The following CNBD1 variants were observed in gnomAD, a reference collection of about 807,000 sequenced individuals.
The protein encoded by CNBD1 is cyclic nucleotide-binding domain-containing protein 1.
A neutral mutation model predicts 54.4 loss-of-function variants in CNBD1; 71 were observed. The ratio of observed to expected loss-of-function variants is 1.30; its 90% CI spans 1.08 to 1.59. The LOEUF is 1.59. Ranked by LOEUF, CNBD1 falls within the 40% of genes most tolerant of loss-of-function variation. The pLI is 0.00. For missense variants in CNBD1, 659 were observed against 518.0 expected, an observed-to-expected ratio of 1.27 and a Z score of -2.64; for synonymous variants, 182 against 170.7, an observed-to-expected ratio of 1.07 and a Z score of -0.51.
chr8:86,870,342 T>G (rs922682465), intron 1 of CNBD1, among the ~76,000 whole-genome samples: 3 of 151,780 alleles, frequency 2.0e-5, no homozygotes, highest in Non-Finnish European at 4.4e-5. Context: ...TATATGTTAG[T>G]CGCAGCCACG....
intron 4 of CNBD1, among the ~76,000 whole-genome samples, chr8:87,085,847 TG>T (rs1811085083): frequency 6.6e-6 from 1 of 152,140 alleles, no homozygotes; most frequent in Admixed American, 6.5e-5. Flanking sequence ...GCTTCAGAGA[TG>T]GTACTTTCTC....
chr8:87,256,801 C>T (rs1429398961), intron 6 of CNBD1, among the ~76,000 whole-genome samples: 1 of 110,292 alleles, frequency 9.1e-6, no homozygotes, highest in African/African-American at 4.0e-5. Context: ...TATACAGTTC[C>T]AAGAGTATAA....
chr8:87,423,676 G>T (rs1478147468), intron 2 of CNBD1, among the ~76,000 whole-genome samples: 1 of 149,430 alleles, frequency 6.7e-6, no homozygotes, highest in East Asian at 1.9e-4. Flanking sequence ...GATTCGGTTT[G>T]CCAGTATTTT....
chr8:87,226,098 A>AT lies in CNBD1; in HGVS notation c.578-10815dup, dbSNP rs1325397991. 5.9e-5 allele frequency among the ~76,000 whole-genome samples: 9 copies of AT among 151,998 alleles called. No homozygotes were observed. The South Asian group carries it at 1.5e-3, about 25-fold the overall frequency. ...GATCGGTGGTGATATCCCCTTTACC[A>AT]TTTTTTATTGCATCTGTTTGATTCT... is the stretch of plus-strand genomic sequence containing the variant. On this transcript the variant is annotated intron_variant, in intron 5 of 10. Transcript: ENST00000518476.
intron 8 of CNBD1, among the ~76,000 whole-genome samples, chr8:87,349,987 G>T (rs192757067): frequency 6.6e-6 from 1 of 152,216 alleles, no homozygotes; most frequent in African/African-American, 2.4e-5. Flanking sequence ...TAGTAGTACA[G>T]GTCTCATAGT....
chr8:87,009,790 G>T (rs568609846), intron 4 of CNBD1, among the ~76,000 whole-genome samples: 27 of 152,044 alleles, frequency 1.8e-4, no homozygotes, highest in African/African-American at 6.5e-4. Context: ...AATTCTCTTG[G>T]CTTTTGTTTA....
At chr8:87,174,351 T>C (rs532631711) in intron 4 of CNBD1, among the ~76,000 whole-genome samples, 1 of 152,206 alleles carries the variant, frequency 6.6e-6, no homozygotes, top group African/African-American at 2.4e-5. Flanking sequence ...ATAAATTCTG[T>C]TATTAATAGA....
At chr8:86,985,391 C>T (rs779182327) in intron 4 of CNBD1, among the ~76,000 whole-genome samples, 15 of 152,132 alleles carry the variant, frequency 9.9e-5, no homozygotes, top group Non-Finnish European at 1.8e-4. Context: ...TGGTGCCTTC[C>T]CTTCCTCCTG....
intron 8 of CNBD1, among the ~76,000 whole-genome samples, chr8:87,298,994 T>C (rs10107746): frequency 0.38 from 57,982 of 152,048 alleles, 11,327 homozygotes; most frequent in Middle Eastern, 0.46. Flanking sequence ...ATTAGACTTT[T>C]GGTAAATGTC....
intron 2 of CNBD1, among the ~76,000 whole-genome samples, chr8:87,416,167 A>G (rs1586089159): frequency 1.3e-5 from 2 of 152,088 alleles, no homozygotes; most frequent in East Asian, 3.9e-4. Flanking sequence ...AATTTGACAA[A>G]AACACACAAA....
intron 4 of CNBD1, among the ~76,000 whole-genome samples, chr8:86,954,659 C>T (rs144148143): frequency 2.0e-5 from 3 of 152,212 alleles, no homozygotes; most frequent in Non-Finnish European, 4.4e-5. Flanking sequence ...CAGTAGACTC[C>T]ACTACATGTT....
At chr8:86,895,828 A>G (rs1347215952) in intron 2 of CNBD1, among the ~76,000 whole-genome samples, 1 of 152,092 alleles carries the variant, frequency 6.6e-6, no homozygotes, top group South Asian at 2.1e-4. Context: ...AGTTCTTTGT[A>G]GATTTTGGAT....
At chr8:87,352,478 C>CAAAAAAAAAAAAAAAAAA (rs386413278) in intron 9 of CNBD1, among the ~76,000 whole-genome samples, 68 of 107,456 alleles carry the variant, frequency 6.3e-4, no homozygotes, top group African/African-American at 2.5e-3. Flanking sequence ...GACTCTGTCT[C>CAAAAAAAAAAAAAAAAAA]AAAAAAAAAA....
chr8:87,355,838 C>T (rs2130931864), intron 10 of CNBD1, among the ~76,000 whole-genome samples: 1 of 152,112 alleles, frequency 6.6e-6, no homozygotes, highest in Admixed American at 6.5e-5. Context: ...AAACGTCATC[C>T]TCAATGTTGG....
chr8:87,190,886 C>CCTATCTCTATTTA (rs1427428611), intron 4 of CNBD1, among the ~76,000 whole-genome samples: 1 of 132,174 alleles, frequency 7.6e-6, no homozygotes, highest in Non-Finnish European at 1.6e-5. Context: ...GATACATGTA[C>CCTATCTCTATTTA]GTATATCTAT....
intron 4 of CNBD1, among the ~76,000 whole-genome samples, chr8:86,981,351 CCT>C (rs1484221972): frequency 6.6e-6 from 1 of 152,088 alleles, no homozygotes; most frequent in African/African-American, 2.4e-5. Flanking sequence ...CTGGTTTTTC[CCT>C]CTCTCTAATT....
chr8:87,215,521 GA>G (rs1814190577), intron 5 of CNBD1, among the ~76,000 whole-genome samples: 1 of 151,016 alleles, frequency 6.6e-6, no homozygotes, highest in Non-Finnish European at 1.5e-5. Context: ...CCGGGAGGCG[GA>G]GCTTGCAGTA....
At chr8:86,951,174 G>C (rs1807608632) in intron 4 of CNBD1, among the ~76,000 whole-genome samples, 1 of 152,038 alleles carries the variant, frequency 6.6e-6, no homozygotes, top group Non-Finnish European at 1.5e-5. Flanking sequence ...TAAGCTAAAA[G>C]AAAAATTATT....
rs74701159 is a variant in CNBD1 at position 87,133,570 on chromosome 8, A to C, written c.432-72423A>C. ...TCTCCTGGGTTGTTCCCTTCACTCA[A>C]GTTTTCTCTTCCCTTCGGGCCCTTC... is the stretch of plus-strand genomic sequence containing the variant. On this transcript the variant is annotated intron_variant, in intron 4 of 10. Coordinates refer to ENST00000518476, the MANE Select transcript of CNBD1 (RefSeq NM_173538.3). 2.1e-3 allele frequency among the ~76,000 whole-genome samples: 323 copies of C among 152,090 alleles called. 1 individual carries two copies. The highest frequency in any genetic ancestry group is 3.7e-3 in the Non-Finnish European group (253 of 67,998).
Sources: gnomAD v4.1 joint callset for allele counts (sites outside exome capture counted in the v4.1 genomes callset) on GRCh38, gnomAD v4.1.1 for gene constraint, MANE v1.5 for transcripts, NCBI Gene and HGNC (gene_info 2026-07-23, HGNC 2026-07-21) for gene names.